The following UMODL1 variants were observed in gnomAD, a reference collection of about 807,000 sequenced individuals.
The protein encoded by UMODL1 is uromodulin-like 1.
In UMODL1, 128 loss-of-function variants were observed where a neutral mutation model predicts 136.3. That is an observed-to-expected ratio of 0.94 (90% CI 0.81 to 1.09). The LOEUF (loss-of-function observed/expected upper bound fraction) is 1.09. UMODL1 is among the 50% of genes least tolerant of loss of function. The pLI is 0.00. For synonymous variants in UMODL1, 721 were observed against 720.0 expected (o/e 1.00, Z -0.02); for missense variants, 1,766 against 1,725.6 (o/e 1.02, Z -0.41).
chr21:42,091,939 G>C (rs1372208602), intron 6 of UMODL1, among the ~76,000 whole-genome samples: 3 of 152,264 alleles, frequency 2.0e-5, no homozygotes, highest in African/African-American at 7.2e-5. Flanking sequence ...CCAGGTCAGT[G>C]CAGGAGGAGA....
chr21:42,082,758 C>T (rs554346325), intron 2 of UMODL1, among the ~76,000 whole-genome samples: 2 of 152,330 alleles, frequency 1.3e-5, no homozygotes, highest in South Asian at 2.1e-4. Context: ...GGCTCTGCGG[C>T]ATCGGGCACA....
At chr21:42,101,536 C>T (rs974886890) in intron 7 of UMODL1, among the ~76,000 whole-genome samples, 5 of 152,160 alleles carry the variant, frequency 3.3e-5, no homozygotes, top group Non-Finnish European at 7.4e-5. Context: ...GAATTGCCGC[C>T]GACCTGCTCC....
chr21:42,111,207 G>C (rs1213562885), intron 11 of UMODL1, 86 bp downstream of exon 11: 3 of 1,529,206 alleles, frequency 2.0e-6, no homozygotes, highest in Admixed American at 2.2e-5. Flanking sequence ...AGCCAGGGGA[G>C]CCTCAGACAG....
chr21:42,118,497 A>G (rs762270439), intron 14 of UMODL1, among the ~76,000 whole-genome samples: 4 of 152,248 alleles, frequency 2.6e-5, no homozygotes, highest in Non-Finnish European at 2.9e-5. Flanking sequence ...GGAATCAATC[A>G]TATAGCGTGT....
chr21:42,109,007 C>T (rs1191172961), intron 9 of UMODL1, among the ~76,000 whole-genome samples: 2 of 130,324 alleles, frequency 1.5e-5, no homozygotes, highest in Non-Finnish European at 3.2e-5. Context: ...CCCCCACCCC[C>T]GGTGTGGAAA....
At position 42,085,151 on chromosome 21, in the gene UMODL1, G is replaced by A. The variant is rs1026969708; in HGVS notation, c.482-140G>A. 1.9e-6 allele frequency: 2 copies of A among 1,073,852 alleles called. No individual in the cohort carries two copies. The highest frequency in any genetic ancestry group is 4.9e-5 in the Admixed American group (2 of 41,074). The allele number at this position is 1,073,852 out of a possible 1,614,324, so 66.5% of individuals were successfully genotyped here. On this transcript the variant is annotated intron_variant, in intron 3 of 22. Coordinates refer to ENST00000408910, the MANE Select transcript of UMODL1 (RefSeq NM_001004416.3). This position sits in a 1 kb window ranked among gnomAD's most constrained non-coding sequence, Gnocchi z 4.5. Reference sequence around the variant, plus strand: ...ACATCCCCCGTCTCCTGTGGTAGATGTCTTTTTGCAGGGAGGTAAATGCAG... The same window carrying A: ...ACATCCCCCGTCTCCTGTGGTAGATATCTTTTTGCAGGGAGGTAAATGCAG...
chr21:42,121,300 G>C (rs1279258120), intron 16 of UMODL1, 76 bp downstream of exon 16: 2 of 1,528,192 alleles, frequency 1.3e-6, no homozygotes, highest in East Asian at 4.6e-5. Flanking sequence ...ACGTGCAAAG[G>C]GCTTCTTGTC....
Position 42,076,261 on chromosome 21 carries a change from T to C in UMODL1, c.319+14T>C, listed in dbSNP as rs1175025674. ...ACTGTGTCTTGCGTGAGTCCAGGGC[T>C]GCTGGGCTGGGGCGGGGCCACCCTT... On this transcript the variant is annotated intron_variant, in intron 2 of 22. Transcript: ENST00000408910. 1 of 1,612,880 alleles carries C rather than the reference T, an allele frequency of 6.2e-7. No homozygotes were observed. The highest frequency in any genetic ancestry group is 2.2e-5 in the East Asian group (1 of 44,840).
intron 17 of UMODL1, among the ~76,000 whole-genome samples, 164 bp from the exon 18 acceptor site, chr21:42,126,181 C>G (rs1186500295): frequency 6.6e-6 from 1 of 152,304 alleles, no homozygotes; most frequent in Non-Finnish European, 1.5e-5. Flanking sequence ...CCCTTAGGCT[C>G]TTAGGCAGTT....
chr21:42,116,061 A>G, intron 14 of UMODL1, 76 bp downstream of exon 14: 1 of 1,222,042 alleles, frequency 8.2e-7, no homozygotes, highest in Non-Finnish European at 1.2e-6. Context: ...TAGGTTAGGC[A>G]CGGTGGCTCA....
chr21:42,139,354 G>A (rs866273348), intron 22 of UMODL1, among the ~76,000 whole-genome samples: 6 of 152,156 alleles, frequency 3.9e-5, no homozygotes, highest in Admixed American at 2.6e-4. Context: ...GGAGGAAGGG[G>A]TTGGGGCAGG....
chr21:42,121,440 A>G (rs1406393145), intron 16 of UMODL1, among the ~76,000 whole-genome samples: 1 of 151,986 alleles, frequency 6.6e-6, no homozygotes, highest in Non-Finnish European at 1.5e-5. Context: ...ATTCTTTCAT[A>G]TGTGTCCAGG....
chr21:42,110,548 C>T (rs1352384716), intron 10 of UMODL1, among the ~76,000 whole-genome samples: 4 of 152,226 alleles, frequency 2.6e-5, no homozygotes, highest in African/African-American at 9.6e-5. Context: ...GTCCCATTTT[C>T]CCAGAGTCCT....
intron 2 of UMODL1, among the ~76,000 whole-genome samples, chr21:42,081,562 AAC>A (rs1171254141): frequency 1.3e-5 from 2 of 152,180 alleles, no homozygotes; most frequent in African/African-American, 4.8e-5. Context: ...TTCACTTAAA[AAC>A]ACGCCTCTGG....
In UMODL1 at chr21:42,104,099, C is replaced by T. The variant is rs758196983; in HGVS notation, c.1519+12C>T. On this transcript the variant is annotated intron_variant, in intron 9 of 22. Transcript: ENST00000408910. ...GACACGCGTGCAAGGTATGGCCCAG[C>T]CACCCGCCCTGCTGCCTGGTGTCCT... 1.9e-6 allele frequency: 3 copies of T among 1,596,978 alleles called. No homozygotes were observed. In the Admixed American group the frequency reaches 5.0e-5, roughly 27 times the overall value.
chr21:42,140,773 A>G (rs2067271349), intron 22 of UMODL1, among the ~76,000 whole-genome samples: 1 of 152,160 alleles, frequency 6.6e-6, no homozygotes, highest in Non-Finnish European at 1.5e-5. Flanking sequence ...CTGCTGCTCA[A>G]TTGTGGTCTG....
chr21:42,141,335 C>T (rs944017548), intron 22 of UMODL1, among the ~76,000 whole-genome samples: 1 of 152,204 alleles, frequency 6.6e-6, no homozygotes, highest in Admixed American at 6.5e-5. Context: ...GTCTCTCCTG[C>T]CAGGACTCCT....
At chr21:42,080,799 G>A (rs912372969) in intron 2 of UMODL1, among the ~76,000 whole-genome samples, 2 of 152,202 alleles carry the variant, frequency 1.3e-5, no homozygotes, top group South Asian at 2.1e-4. Context: ...TTTGTAGCAC[G>A]ATTTTACCAC....
chr21:42,071,408 T>G lies in UMODL1; in HGVS notation c.76+16T>G. 6.4e-7 allele frequency: 1 copy of G among 1,568,894 alleles called. No individual in the cohort carries two copies. The highest frequency in any genetic ancestry group is 1.2e-5 in the South Asian group (1 of 84,166). On this transcript the variant is annotated intron_variant, in intron 1 of 22. Coordinates refer to ENST00000408910, the MANE Select transcript of UMODL1 (RefSeq NM_001004416.3). The stretch of plus-strand genomic sequence containing the variant: ...GGCTTCACAGGTGAGGGGTCTGGGC[T>G]TGGCATGGGCAGTTCTTAAGGACAG...
Sources: gnomAD v4.1 joint callset for allele counts (sites outside exome capture counted in the v4.1 genomes callset) on GRCh38, gnomAD v4.1.1 for gene constraint, Gnocchi (gnomAD v3.1) non-coding constraint, MANE v1.5 for transcripts, NCBI Gene and HGNC (gene_info 2026-07-23, HGNC 2026-07-21) for gene names.